Variants in CHST9 observed in about 807,000 individuals in gnomAD.
CHST9 encodes GalNAc-4-sulfotransferase 2.
A neutral mutation model predicts 44.4 loss-of-function variants in CHST9; 41 were observed. That is an observed-to-expected ratio of 0.92 (90% CI 0.72 to 1.20). CHST9 has a LOEUF of 1.20. Ranked by LOEUF, CHST9 falls within the 50% of genes most tolerant of loss-of-function variation. The pLI, the probability that CHST9 is intolerant of heterozygous loss-of-function variation, is 0.00. For missense variants in CHST9, 504 were observed against 516.5 expected, an observed-to-expected ratio of 0.98 and a Z score of 0.23; for synonymous variants, 171 against 178.4, an observed-to-expected ratio of 0.96 and a Z score of 0.33.
At chr18:27,163,403 C>T (rs2058764364) in intron 1 of CHST9, among the ~76,000 whole-genome samples, 1 of 152,148 alleles carries the variant, frequency 6.6e-6, no homozygotes, top group Non-Finnish European at 1.5e-5. Context: ...TGTGCCCTGC[C>T]CCCTAGAGGT....
At chr18:27,167,695 G>C (rs2058801282) in intron 1 of CHST9, among the ~76,000 whole-genome samples, 1 of 152,184 alleles carries the variant, frequency 6.6e-6, no homozygotes, top group South Asian at 2.1e-4. Context: ...TAAAATCAAG[G>C]GGTAAGGTAG....
At chr18:27,032,856 G>A (rs1173017004) in intron 3 of CHST9, among the ~76,000 whole-genome samples, 1 of 152,200 alleles carries the variant, frequency 6.6e-6, no homozygotes, top group East Asian at 1.9e-4. Flanking sequence ...AAGGATTCTA[G>A]TTTGGGTAGT....
intron 2 of CHST9, among the ~76,000 whole-genome samples, chr18:27,069,517 T>G (rs2057816832): frequency 6.6e-6 from 1 of 152,176 alleles, no homozygotes; most frequent in Admixed American, 6.5e-5. Flanking sequence ...CTTCCTATAC[T>G]CATATTAAAT....
intron 4 of CHST9, among the ~76,000 whole-genome samples, chr18:26,973,683 A>C: frequency 6.6e-6 from 1 of 152,254 alleles, no homozygotes; most frequent in South Asian, 2.1e-4. Flanking sequence ...GGAAGTCAAA[A>C]GACTGGACAC....
intron 1 of CHST9, among the ~76,000 whole-genome samples, chr18:27,153,347 T>C (rs1256967084): frequency 6.6e-6 from 1 of 152,084 alleles, no homozygotes; most frequent in African/African-American, 2.4e-5. Context: ...ATGTCTGAAA[T>C]CAAGGTGTGA....
chr18:27,071,896 C>A (rs2143648928), intron 2 of CHST9, among the ~76,000 whole-genome samples: 1 of 152,312 alleles, frequency 6.6e-6, no homozygotes, highest in East Asian at 1.9e-4. Context: ...AGTCTCTCAT[C>A]TTCCCCTTTT....
At chr18:27,000,538 T>C (rs1568127372) in intron 4 of CHST9, among the ~76,000 whole-genome samples, 1 of 152,188 alleles carries the variant, frequency 6.6e-6, no homozygotes, top group Non-Finnish European at 1.5e-5. Context: ...GATGAAGCCC[T>C]AGCCTAGCAG....
At chr18:27,070,399 A>G (rs955576367) in intron 2 of CHST9, among the ~76,000 whole-genome samples, 8 of 152,210 alleles carry the variant, frequency 5.3e-5, no homozygotes, top group Non-Finnish European at 1.0e-4. Flanking sequence ...GCTTATCTCT[A>G]TATCTGTTCA....
At chr18:27,054,881 GTA>G (rs538458604) in intron 2 of CHST9, among the ~76,000 whole-genome samples, 4 of 151,664 alleles carry the variant, frequency 2.6e-5, no homozygotes, top group Non-Finnish European at 4.4e-5. Context: ...ATATATGTAG[GTA>G]TATATATATG....
chr18:27,139,180 T>A (rs1215330002), intron 2 of CHST9, among the ~76,000 whole-genome samples: 4 of 152,100 alleles, frequency 2.6e-5, no homozygotes, highest in Non-Finnish European at 5.9e-5. Flanking sequence ...TAGAAAATAG[T>A]CCATATCTTA....
intron 3 of CHST9, among the ~76,000 whole-genome samples, chr18:27,035,997 T>C (rs2057386684): frequency 6.6e-6 from 1 of 152,176 alleles, no homozygotes; most frequent in Non-Finnish European, 1.5e-5. Context: ...ACCTTAGATA[T>C]ATATAATTTT....
Position 27,143,597 on chromosome 18 carries a change from T to C in CHST9, c.-96-692A>G, listed in dbSNP as rs116504646. On this transcript the variant is annotated intron_variant, in intron 1 of 5. Coordinates refer to ENST00000618847, the MANE Select transcript of CHST9 (RefSeq NM_031422.6). ...TTTAATATAACCTTAACCTTTTATT[T>C]TTTTTAAAAAAATTGCATCCTTTTT... 6.0e-3 allele frequency among the ~76,000 whole-genome samples: 820 copies of C among 135,858 alleles called. 10 individuals carry two copies. The highest frequency in any genetic ancestry group is 0.019 in the African/African-American group (780 of 40,368). 89.1% of individuals were successfully genotyped at this position (135,858 alleles called of 152,430 possible).
At chr18:27,183,206 A>G (rs2058927616) in intron 1 of CHST9, among the ~76,000 whole-genome samples, 1 of 152,220 alleles carries the variant, frequency 6.6e-6, no homozygotes, top group African/African-American at 2.4e-5. Flanking sequence ...GTCTTCTTTC[A>G]TTGAAAATAA....
At chr18:27,015,581 A>C (rs992451767) in intron 4 of CHST9, among the ~76,000 whole-genome samples, 1 of 152,130 alleles carries the variant, frequency 6.6e-6, no homozygotes, top group Non-Finnish European at 1.5e-5. Context: ...ACGTGCTAGC[A>C]TATGTGTACA....
At chr18:27,085,911 A>G (rs2058008050) in intron 2 of CHST9, among the ~76,000 whole-genome samples, 1 of 152,214 alleles carries the variant, frequency 6.6e-6, no homozygotes, top group African/African-American at 2.4e-5. Context: ...AATGTGGTGT[A>G]TATATAGCAT....
At chr18:27,000,552 A>G (rs1381631323) in intron 4 of CHST9, among the ~76,000 whole-genome samples, 1 of 152,178 alleles carries the variant, frequency 6.6e-6, no homozygotes, top group Non-Finnish European at 1.5e-5. Flanking sequence ...CTAGCAGTCC[A>G]CAGCCTACAG....
intron 1 of CHST9, among the ~76,000 whole-genome samples, chr18:27,155,482 A>G (rs1350763465): frequency 1.3e-5 from 2 of 152,336 alleles, no homozygotes; most frequent in East Asian, 3.9e-4. Flanking sequence ...AGAATGAGTA[A>G]GATTTAATAC....
chr18:27,127,976 G>A (rs1016353164), intron 2 of CHST9, among the ~76,000 whole-genome samples: 1 of 152,152 alleles, frequency 6.6e-6, no homozygotes, highest in Non-Finnish European at 1.5e-5. Context: ...CGTGTTTGGA[G>A]TGTCAAGGAG....
intron 2 of CHST9, among the ~76,000 whole-genome samples, chr18:27,075,843 C>T (rs1472281467): frequency 2.0e-5 from 3 of 152,128 alleles, no homozygotes; most frequent in South Asian, 2.1e-4. Context: ...ATTTTAATGG[C>T]ACCTAAAAGA....
Sources: gnomAD v4.1 joint callset for allele counts (sites outside exome capture counted in the v4.1 genomes callset) on GRCh38, gnomAD v4.1.1 for gene constraint, MANE v1.5 for transcripts, NCBI Gene and HGNC (gene_info 2026-07-23, HGNC 2026-07-21) for gene names.